NUP160: variants seen among roughly 807,000 people sequenced by gnomAD.
The protein encoded by NUP160 is nuclear pore complex protein Nup160.
A neutral mutation model predicts 196.9 loss-of-function variants in NUP160; 94 were observed. The ratio of observed to expected loss-of-function variants is 0.48; its 90% CI spans 0.40 to 0.57. The LOEUF is 0.57. NUP160 is among the 20% of genes least tolerant of loss of function. The probability of loss-of-function intolerance (pLI) is 0.00; values close to 1 mark genes in which losing one functional copy is unlikely to be tolerated. For synonymous variants in NUP160, 605 were observed against 619.7 expected, an observed-to-expected ratio of 0.98 and a Z score of 0.35; for missense variants, 1,638 against 1,748.3, an observed-to-expected ratio of 0.94 and a Z score of 1.13.
chr11:47,822,279 G>T, intron 7 of NUP160, 115 bp from the exon 8 acceptor site: 1 of 590,492 alleles, frequency 1.7e-6, no homozygotes, highest in Non-Finnish European at 2.9e-6. Context: ...TTTTTTGAAA[G>T]AAGAGTCTTG....
At chr11:47,781,347 C>T (rs1210891655) in intron 34 of NUP160, among the ~76,000 whole-genome samples, 1 of 151,962 alleles carries the variant, frequency 6.6e-6, no homozygotes, top group Non-Finnish European at 1.5e-5. Context: ...ACTGTACCCT[C>T]AACCTCCAGG....
chr11:47,783,174 G>A (rs767707382), exon 34 of NUP160: 5 of 1,613,240 alleles, frequency 3.1e-6, no homozygotes, highest in Admixed American at 3.3e-5. Context: ...AAGTATAAAC[G>A]AAGCAATTCA....
intron 7 of NUP160, among the ~76,000 whole-genome samples, chr11:47,824,402 G>A (rs1851927104): frequency 1.3e-5 from 2 of 151,664 alleles, no homozygotes; most frequent in South Asian, 2.1e-4. Context: ...TCAGGAGATC[G>A]AGACCATCCT....
exon 14 of NUP160, chr11:47,813,368 A>G: frequency 6.2e-7 from 1 of 1,612,450 alleles, no homozygotes; most frequent in South Asian, 1.1e-5. Flanking sequence ...AAGGCAGGAG[A>G]TACAAATGAT....
chr11:47,780,740 C>A (rs1390541894), intron 34 of NUP160, among the ~76,000 whole-genome samples: 3 of 151,680 alleles, frequency 2.0e-5, no homozygotes, highest in Non-Finnish European at 4.4e-5. Context: ...TGGGGTTTCA[C>A]CATGTTGGAC....
intron 9 of NUP160, chr11:47,821,391 T>TCC (rs1851853842): frequency 1.3e-5 from 2 of 151,434 alleles, no homozygotes; most frequent in Non-Finnish European, 2.7e-5. Context: ...AGAGTCTTAC[T>TCC]CTGTTGCCCA....
At chr11:47,829,523 T>C (rs913657231) in intron 7 of NUP160, among the ~76,000 whole-genome samples, 12 of 152,108 alleles carry the variant, frequency 7.9e-5, no homozygotes, top group Non-Finnish European at 1.5e-4. Context: ...GCCAGGCTGG[T>C]CTCAAATACC....
intron 10 of NUP160, among the ~76,000 whole-genome samples, chr11:47,818,634 C>G (rs1268616501): frequency 1.3e-5 from 2 of 152,064 alleles, no homozygotes; most frequent in African/African-American, 2.4e-5. Context: ...CTCATATTGC[C>G]TAATGATTTT....
At chr11:47,801,753 G>A (rs1240649099) in intron 23 of NUP160, 58 bp downstream of exon 23, 2 of 1,472,754 alleles carry the variant, frequency 1.4e-6, no homozygotes, top group Non-Finnish European at 9.3e-7. Context: ...GCAAAGCAAT[G>A]TATTTCAGAT....
At chr11:47,810,465 A>G (rs2097680457) in intron 17 of NUP160, among the ~76,000 whole-genome samples, 1 of 152,068 alleles carries the variant, frequency 6.6e-6, no homozygotes, top group South Asian at 2.1e-4. Context: ...TGCTGGGACT[A>G]TAGGTATGAG....
intron 30 of NUP160, 57 bp downstream of exon 30, chr11:47,788,444 C>A: frequency 6.5e-7 from 1 of 1,548,858 alleles, no homozygotes; most frequent in Non-Finnish European, 8.9e-7. Flanking sequence ...ACTGCCTGGA[C>A]CTAAAATGTG....
At chr11:47,796,237 C>T (rs545384433) in intron 27 of NUP160, 18 of 551,226 alleles carry the variant, frequency 3.3e-5, no homozygotes, top group Admixed American at 1.6e-4. Context: ...AAGAGAAATA[C>T]GAGATTACAG....
At chr11:47,783,903 A>G (rs939940839) in intron 33 of NUP160, among the ~76,000 whole-genome samples, 1 of 152,104 alleles carries the variant, frequency 6.6e-6, no homozygotes, top group African/African-American at 2.4e-5. Flanking sequence ...CATGTTGGCC[A>G]GGCTGGTCTC....
chr11:47,837,266 TA>T (rs1480395570), intron 5 of NUP160, among the ~76,000 whole-genome samples: 1 of 152,204 alleles, frequency 6.6e-6, no homozygotes, highest in African/African-American at 2.4e-5. Context: ...CTATTTCTAA[TA>T]ATTTTACACG....
chr11:47,821,583 C>T, intron 9 of NUP160, 141 bp downstream of exon 9: 1 of 625,612 alleles, frequency 1.6e-6, no homozygotes, highest in African/African-American at 1.8e-5. Flanking sequence ...TGGTCTCGAA[C>T]TCCTGAGCTT....
At chr11:47,812,090 G>T (rs1301636622) in exon 17 of NUP160, 2 of 1,614,074 alleles carry the variant, frequency 1.2e-6, no homozygotes, top group Non-Finnish European at 1.7e-6. Flanking sequence ...ATTAACAGCT[G>T]CTGTAAGATC....
At chr11:47,779,429 T>C in intron 35 of NUP160, 5 of 487,384 alleles carry the variant, frequency 1.0e-5, no homozygotes, top group South Asian at 2.0e-5. Flanking sequence ...TTTCTAAGTA[T>C]GGAAATCGTA....
chr11:47,792,192 A>G, intron 28 of NUP160: 2 of 514,606 alleles, frequency 3.9e-6, no homozygotes, highest in Non-Finnish European at 6.9e-6. Flanking sequence ...TAACCATAAC[A>G]TATTACTGAG....
intron 28 of NUP160, 106 bp from the exon 29 acceptor site, chr11:47,792,096 ATT>A: frequency 1.3e-6 from 1 of 766,846 alleles, no homozygotes; most frequent in Non-Finnish European, 2.1e-6. Context: ...AATGGAAATT[ATT>A]TTTGTTTCGA....
Sources: gnomAD v4.1 joint callset for allele counts (sites outside exome capture counted in the v4.1 genomes callset) on GRCh38, gnomAD v4.1.1 for gene constraint, MANE v1.5 for transcripts, NCBI Gene and HGNC (gene_info 2026-07-23, HGNC 2026-07-21) for gene names.